Variants in WWOX observed in about 807,000 individuals in gnomAD.
WWOX encodes the protein WW domain-containing oxidoreductase.
WWOX carries 69 observed loss-of-function variants against 46.2 expected under a neutral mutation model. That is an observed-to-expected ratio of 1.49 (90% CI 1.23 to 1.82). The LOEUF is 1.82. Among genes scored for constraint, WWOX ranks in the 40% most tolerant of loss-of-function variants. WWOX has a pLI of 0.00. For synonymous variants in WWOX, 359 were observed against 202.6 expected (o/e 1.77, Z -6.56); for missense variants, 919 against 542.6 (o/e 1.69, Z -6.89).
intron 8 of WWOX, among the ~76,000 whole-genome samples, chr16:78,887,508 C>CAT (rs1280056434): frequency 2.4e-5 from 3 of 124,396 alleles, no homozygotes; most frequent in Admixed American, 8.7e-5. Flanking sequence ...CACACACACA[C>CAT]ACACACACAC....
chr16:78,883,039 G>A (rs898266154), intron 8 of WWOX, among the ~76,000 whole-genome samples: 2 of 152,126 alleles, frequency 1.3e-5, no homozygotes, highest in Non-Finnish European at 2.9e-5. Context: ...AAGGCTTGAG[G>A]ACAGGAAGCA....
chr16:78,614,051 T>G (rs970273335), intron 8 of WWOX, among the ~76,000 whole-genome samples: 1 of 152,218 alleles, frequency 6.6e-6, no homozygotes, highest in African/African-American at 2.4e-5. Context: ...TCTGGCTCTT[T>G]GCAGAAAATG....
intron 8 of WWOX, among the ~76,000 whole-genome samples, chr16:78,741,949 C>T (rs1374995651): frequency 6.6e-6 from 1 of 152,178 alleles, no homozygotes; most frequent in South Asian, 2.1e-4. Flanking sequence ...GGATGTTCCA[C>T]ATTTAACTGG....
intron 5 of WWOX, among the ~76,000 whole-genome samples, chr16:78,208,383 A>G (rs2036460061): frequency 6.6e-6 from 1 of 152,224 alleles, no homozygotes; most frequent in African/African-American, 2.4e-5. Flanking sequence ...TCATAAAAAC[A>G]TACCGTTACA....
At chr16:78,141,746 T>G (rs1320383399) in intron 4 of WWOX, among the ~76,000 whole-genome samples, 2 of 152,142 alleles carry the variant, frequency 1.3e-5, no homozygotes, top group African/African-American at 4.8e-5. Context: ...TACTTTTTCA[T>G]TGTAATGGTT....
chr16:78,795,327 T>A (rs545864284), intron 8 of WWOX, among the ~76,000 whole-genome samples: 1 of 152,304 alleles, frequency 6.6e-6, no homozygotes, highest in African/African-American at 2.4e-5. Flanking sequence ...GTCCAGGCAG[T>A]CCAACCCCCT....
In WWOX at chr16:78,971,097, A is replaced by G. The variant is rs1256885547; in HGVS notation, c.1057-240511A>G. 2.0e-5 allele frequency among the ~76,000 whole-genome samples: 3 copies of G among 152,038 alleles called. No homozygotes were observed. The South Asian group carries it at 6.2e-4, about 32-fold the overall frequency. Reference sequence around the variant, plus strand: ...CATATGTATATGTATATCAATATATATATCAGGTAAGATTCTAGTCCAGTG... The same window carrying G: ...CATATGTATATGTATATCAATATATGTATCAGGTAAGATTCTAGTCCAGTG... On this transcript the variant is annotated intron_variant, in intron 8 of 8. Transcript: ENST00000566780.
At position 78,765,104 on chromosome 16, in the gene WWOX, T is replaced by G. The variant is rs148791760; in HGVS notation, c.1056+332352T>G. Among the ~76,000 whole-genome samples the G allele has an allele frequency of 1.9e-3, 286 of 152,300 alleles. 1 individual carries two copies. Among genetic ancestry groups the G allele is most frequent in the African/African-American group, 6.3e-3 (261 of 41,588 alleles). On this transcript the variant is annotated intron_variant, in intron 8 of 8. Transcript: ENST00000566780. ...GTGCCTGGAGAGGATGGGTGGCGGC[T>G]GTGCGGGGATGTGGTAGGGTGATGG...
At chr16:78,540,133 T>G (rs1343019807) in intron 8 of WWOX, among the ~76,000 whole-genome samples, 2 of 151,936 alleles carry the variant, frequency 1.3e-5, no homozygotes, top group South Asian at 2.1e-4. Context: ...TGTGTTCAAT[T>G]TCTGCCTGAG....
intron 8 of WWOX, among the ~76,000 whole-genome samples, chr16:79,140,875 C>T (rs983089796): frequency 6.6e-6 from 1 of 152,184 alleles, no homozygotes; most frequent in African/African-American, 2.4e-5. Flanking sequence ...CAGTTTCACA[C>T]CTCTGTTCTG....
Position 78,432,841 on chromosome 16 carries a change from A to G in WWOX, c.1056+89A>G, listed in dbSNP as rs928370784. The G allele has an allele frequency of 5.7e-6, 9 of 1,591,672 alleles. No individual in the cohort carries two copies. The African/African-American group carries it at 9.4e-5, about 17-fold the overall frequency. ...CTCCACCTTTTTACCTCTTGCGGGC[A>G]TGAGTCTGGTCTCAGTAATAACATT... On this transcript the variant is annotated intron_variant, in intron 8 of 8. Coordinates refer to ENST00000566780, the MANE Select transcript of WWOX (RefSeq NM_016373.4).
At chr16:78,683,161 A>G (rs2047769684) in intron 8 of WWOX, among the ~76,000 whole-genome samples, 2 of 152,162 alleles carry the variant, frequency 1.3e-5, no homozygotes, top group African/African-American at 4.8e-5. Context: ...TAAGGAAAAC[A>G]CTGAGTGTTA....
chr16:79,008,161 C>T (rs1269080726), intron 8 of WWOX, among the ~76,000 whole-genome samples: 1 of 152,166 alleles, frequency 6.6e-6, no homozygotes, highest in Non-Finnish European at 1.5e-5. Flanking sequence ...TTCTTGCTGG[C>T]TGTTGACTGA....
intron 8 of WWOX, among the ~76,000 whole-genome samples, chr16:78,456,663 A>T (rs748613515): frequency 2.0e-5 from 3 of 152,338 alleles, no homozygotes; most frequent in Non-Finnish European, 4.4e-5. Context: ...ACATCCTGAT[A>T]TATTTTTTGT....
intron 8 of WWOX, among the ~76,000 whole-genome samples, chr16:78,926,581 G>T (rs567710601): frequency 2.6e-5 from 4 of 152,272 alleles, no homozygotes; most frequent in African/African-American, 9.6e-5. Flanking sequence ...ACACTTCTTT[G>T]CTGTTGGTCT....
chr16:78,693,928 C>G (rs2048044017), intron 8 of WWOX, among the ~76,000 whole-genome samples: 2 of 152,096 alleles, frequency 1.3e-5, no homozygotes, highest in African/African-American at 2.4e-5. Context: ...GAAAAAAAAT[C>G]AAGATGTAAA....
chr16:78,773,621 GCAGGTGCCTCT>G (rs1256815453), intron 8 of WWOX, among the ~76,000 whole-genome samples: 3 of 152,176 alleles, frequency 2.0e-5, no homozygotes, highest in African/African-American at 7.2e-5. Flanking sequence ...ATAATAGAGT[GCAGGTGCCTCT>G]CATTGTTTTC....
chr16:78,616,567 C>T (rs182499922), intron 8 of WWOX, among the ~76,000 whole-genome samples: 16 of 151,462 alleles, frequency 1.1e-4, no homozygotes, highest in African/African-American at 9.7e-5. Context: ...GTCAGGAGGT[C>T]GAGACCAGCC....
intron 8 of WWOX, among the ~76,000 whole-genome samples, chr16:78,481,470 C>A (rs74028841): frequency 0.048 from 7,287 of 152,036 alleles, 390 homozygotes; most frequent in African/African-American, 0.13. Flanking sequence ...GGCATAGATG[C>A]TGAAGTTTTG....
Sources: gnomAD v4.1 joint callset for allele counts (sites outside exome capture counted in the v4.1 genomes callset) on GRCh38, gnomAD v4.1.1 for gene constraint, MANE v1.5 for transcripts, NCBI Gene and HGNC (gene_info 2026-07-23, HGNC 2026-07-21) for gene names.